Variants in ADAMTS16 observed in about 807,000 individuals in gnomAD.
The protein encoded by ADAMTS16 is A disintegrin and metalloproteinase with thrombospondin motifs 16.
Under a neutral mutation model 145.8 loss-of-function variants are expected in ADAMTS16, and 94 were observed. That is an observed-to-expected ratio of 0.64 (90% CI 0.55 to 0.77). The LOEUF is 0.77. Ranked by LOEUF, ADAMTS16 falls within the 30% of genes least tolerant of loss-of-function variation. ADAMTS16 has a pLI of 0.00. For synonymous variants in ADAMTS16, 659 were observed against 604.3 expected (o/e 1.09, Z -1.33); for missense variants, 1,585 against 1,591.5 (o/e 1.00, Z 0.07).
Position 5,318,245 on chromosome 5 carries a change from T to G in ADAMTS16, c.3523T>G (p.Cys1175Gly). The G allele has an allele frequency of 1.3e-6, 2 of 1,557,422 alleles. No individual in the cohort carries two copies. The highest frequency in any genetic ancestry group is 2.3e-5 in the East Asian group (1 of 42,868). The change falls in exon 22 of 23, where the codon TGC becomes GGC. Residue 1175 changes from cysteine (C) to glycine (G), a missense_variant. Cys to Gly is a radical substitution (Grantham distance 159, BLOSUM62 -3). This residue lies in a region of ADAMTS16 where 834 missense variants were observed against 811.7 expected (regional missense o/e 1.03). Coordinates refer to ENST00000274181, the MANE Select transcript of ADAMTS16 (RefSeq NM_139056.4). ...CCAGAAGCCTTCGGCCTCCCTGGCC[T>G]GCAACACTCACTTCTGCCCCATTGC... The part of the protein sequence containing the change: ...LHQKPSASLA[C>G]NTHFCPIAEK...
At chr5:5,172,442 T>A (rs1002016922) in intron 3 of ADAMTS16, among the ~76,000 whole-genome samples, 2 of 152,054 alleles carry the variant, frequency 1.3e-5, no homozygotes, top group Admixed American at 1.3e-4. Flanking sequence ...GTATGGTGTA[T>A]TTTTATTATC....
At chr5:5,280,856 C>T (rs757840434) in intron 18 of ADAMTS16, among the ~76,000 whole-genome samples, 11 of 152,316 alleles carry the variant, frequency 7.2e-5, no homozygotes, top group African/African-American at 1.2e-4. Context: ...ACTCATCCCA[C>T]GTTGCTCAGA....
intron 3 of ADAMTS16, among the ~76,000 whole-genome samples, chr5:5,157,241 CTA>C (rs1734625874): frequency 6.6e-6 from 1 of 151,488 alleles, no homozygotes; most frequent in Non-Finnish European, 1.5e-5. Flanking sequence ...TATATAAAAA[CTA>C]AATTAAAATA....
rs930150692 is a variant in ADAMTS16, at chr5:5,292,326, T to A, written c.2790-10942T>A. ...GCCTGGCCAACATGAAGAAATTCCA[T>A]CTCTACTAAAAATACAAAAAATTAG... On this transcript the variant is annotated intron_variant, in intron 18 of 22. Transcript: ENST00000274181. Among the ~76,000 whole-genome samples, 7 of 151,992 alleles carry A rather than the reference T, an allele frequency of 4.6e-5. No homozygotes were observed. The East Asian group carries it at 1.2e-3, about 25-fold the overall frequency.
In ADAMTS16 at chr5:5,167,617, A is replaced by C. The variant is rs75088746; in HGVS notation, c.502-14427A>C. ...AGGTCGCTAGTGAGTGTGATTTCTA[A>C]ATTGCCCCTAACTGGGCTATGTGTG... On this transcript the variant is annotated intron_variant, in intron 3 of 22. Coordinates refer to ENST00000274181, the MANE Select transcript of ADAMTS16 (RefSeq NM_139056.4). Among the ~76,000 whole-genome samples the C allele has an allele frequency of 6.3e-3, 957 of 152,290 alleles. 9 individuals carry two copies. Among genetic ancestry groups the C allele is most frequent in the African/African-American group, 0.022 (922 of 41,546 alleles).
intron 11 of ADAMTS16, among the ~76,000 whole-genome samples, chr5:5,225,796 A>AT (rs2126354649): frequency 1.3e-5 from 2 of 152,282 alleles, no homozygotes; most frequent in African/African-American, 4.8e-5. Context: ...GCAAATATGC[A>AT]TTTGCCTGGG....
intron 18 of ADAMTS16, among the ~76,000 whole-genome samples, chr5:5,299,998 G>C (rs549207176): frequency 6.6e-6 from 1 of 152,160 alleles, no homozygotes; most frequent in South Asian, 2.1e-4. Context: ...CAGACACTTG[G>C]TGTTTCCAGA....
In ADAMTS16 at chr5:5,251,072, C is replaced by G. The variant is rs73735768; in HGVS notation, c.2662+8881C>G. Reference sequence around the variant, plus strand: ...CGGGGCGTCAGCAAGACAGGATATCCACCTTCATGAAGGCTCAAATTTGCA... The same window carrying G: ...CGGGGCGTCAGCAAGACAGGATATCGACCTTCATGAAGGCTCAAATTTGCA... On this transcript the variant is annotated intron_variant, in intron 17 of 22. Transcript: ENST00000274181. Among the ~76,000 whole-genome samples, 426 of 152,296 alleles carry G rather than the reference C, an allele frequency of 2.8e-3. 3 individuals carry two copies. Among genetic ancestry groups the G allele is most frequent in the African/African-American group, 0.01 (416 of 41,562 alleles).
At chr5:5,183,916 A>G (rs1674304996) in intron 4 of ADAMTS16, among the ~76,000 whole-genome samples, 1 of 152,242 alleles carries the variant, frequency 6.6e-6, no homozygotes, top group Non-Finnish European at 1.5e-5. Flanking sequence ...AAAAGTTCCC[A>G]TGGTTTCATA....
chr5:5,193,306 A>T (rs1735717061), intron 8 of ADAMTS16, among the ~76,000 whole-genome samples: 1 of 152,098 alleles, frequency 6.6e-6, no homozygotes, highest in Admixed American at 6.6e-5. Flanking sequence ...CTTATTACTG[A>T]TCCCTTCATC....
chr5:5,198,948 G>T (rs1396748527), intron 8 of ADAMTS16, among the ~76,000 whole-genome samples: 1 of 152,082 alleles, frequency 6.6e-6, no homozygotes, highest in East Asian at 1.9e-4. Context: ...CCTTTTCTCT[G>T]CATCTCACCA....
chr5:5,168,380 A>ATTATTATTG (rs2126537470), intron 3 of ADAMTS16, among the ~76,000 whole-genome samples: 2 of 135,080 alleles, frequency 1.5e-5, no homozygotes, highest in African/African-American at 5.3e-5. Context: ...TATTATTATT[A>ATTATTATTG]TTATTTTACA....
At chr5:5,252,442 G>A (rs1490431014) in intron 17 of ADAMTS16, among the ~76,000 whole-genome samples, 1 of 152,176 alleles carries the variant, frequency 6.6e-6, no homozygotes, top group Admixed American at 6.5e-5. Context: ...GATAGGGAAA[G>A]GCCCACCTTT....
intron 20 of ADAMTS16, among the ~76,000 whole-genome samples, chr5:5,305,531 T>TCCCACACCATACACACACACACAC: frequency 7.2e-6 from 1 of 139,052 alleles, no homozygotes; most frequent in Non-Finnish European, 1.6e-5. Context: ...CACTCACACA[T>TCCCACACCATACACACACACACAC]CCCACACCAT....
chr5:5,235,715 G>T (rs886419128), intron 13 of ADAMTS16, among the ~76,000 whole-genome samples: 2 of 152,172 alleles, frequency 1.3e-5, no homozygotes, highest in Non-Finnish European at 2.9e-5. Context: ...AGAAATAAGT[G>T]TTGTTTTCAT....
intron 3 of ADAMTS16, among the ~76,000 whole-genome samples, chr5:5,168,253 G>A (rs1200445874): frequency 1.3e-5 from 2 of 151,286 alleles, no homozygotes; most frequent in South Asian, 2.1e-4. Flanking sequence ...CCATTTTTAT[G>A]AGGCATGTCC....
intron 12 of ADAMTS16, 83 bp downstream of exon 12, chr5:5,232,599 TC>T (rs1736966318): frequency 1.9e-4 from 205 of 1,052,046 alleles, no homozygotes; most frequent in Middle Eastern, 3.3e-4. Flanking sequence ...GTGTCTCAGC[TC>T]TTTTTTTTTT....
rs187336956 is a variant in ADAMTS16 at position 5,249,493 on chromosome 5, G to A, written c.2662+7302G>A. 4.9e-4 allele frequency among the ~76,000 whole-genome samples: 75 copies of A among 152,194 alleles called. 1 individual carries two copies. The highest frequency in any genetic ancestry group is 4.3e-3 in the Admixed American group (66 of 15,282). ...TCAGCCACCCTGCTCAATCCCTTAT[G>A]AGAAGGAGCACACAAGCAGATGGGT... On this transcript the variant is annotated intron_variant, in intron 17 of 22. Coordinates refer to ENST00000274181, the MANE Select transcript of ADAMTS16 (RefSeq NM_139056.4).
chr5:5,267,286 G>C (rs769051702), intron 18 of ADAMTS16, among the ~76,000 whole-genome samples: 1 of 152,224 alleles, frequency 6.6e-6, no homozygotes, highest in African/African-American at 2.4e-5. Flanking sequence ...GGCAGCTTGT[G>C]TTAATCAGCT....
Sources: allele counts gnomAD v4.1 joint callset (sites outside exome capture counted in the v4.1 genomes callset), GRCh38; gene constraint gnomAD v4.1.1; regional missense constraint gnomAD v4.1.1; transcripts MANE v1.5; gene names NCBI Gene and HGNC (gene_info 2026-07-23, HGNC 2026-07-21).